MTPAP: variants seen among roughly 807,000 people sequenced by gnomAD.
MTPAP encodes the protein poly(A) RNA polymerase, mitochondrial.
A neutral mutation model predicts 48.7 loss-of-function variants in MTPAP; 23 were observed. The observed-to-expected ratio is 0.47, with a 90% CI of 0.34 to 0.67. The LOEUF is 0.67. MTPAP is among the 30% of genes least tolerant of loss of function. MTPAP has a pLI of 0.01. For synonymous variants in MTPAP, 257 were observed against 254.1 expected (o/e 1.01, Z -0.11); for missense variants, 614 against 694.3 (o/e 0.88, Z 1.30).
intron 8 of MTPAP, among the ~76,000 whole-genome samples, chr10:30,314,884 C>CAAAAAAAAAA (rs34249388): frequency 7.0e-4 from 78 of 110,732 alleles, no homozygotes; most frequent in East Asian, 3.4e-3. Context: ...AAAACAAAAA[C>CAAAAAAAAAA]AAAAAAAAAA....
chr10:30,340,792 GTCTGT>G (rs1834795098), intron 2 of MTPAP, among the ~76,000 whole-genome samples: 2 of 152,036 alleles, frequency 1.3e-5, no homozygotes, highest in Non-Finnish European at 2.9e-5. Context: ...GGTGGCAGGT[GTCTGT>G]AAGTCCAGCT....
chr10:30,314,500 A>C (rs1840637245), intron 8 of MTPAP, among the ~76,000 whole-genome samples: 1 of 152,194 alleles, frequency 6.6e-6, no homozygotes, highest in African/African-American at 2.4e-5. Context: ...AGGAGGAACA[A>C]AGGATTATTC....
chr10:30,329,008 C>T (rs1337495236), intron 4 of MTPAP, among the ~76,000 whole-genome samples: 1 of 152,030 alleles, frequency 6.6e-6, no homozygotes, highest in East Asian at 1.9e-4. Flanking sequence ...CTTTGGGAGG[C>T]TGAGGCAGGC....
At chr10:30,339,898 T>A in intron 3 of MTPAP, 1 of 344,274 alleles carries the variant, frequency 2.9e-6, no homozygotes, top group Non-Finnish European at 5.5e-6. Context: ...CGTTAAGACA[T>A]TAGGAGGGGA....
chr10:30,334,173 T>C, intron 4 of MTPAP, among the ~76,000 whole-genome samples: 1 of 151,966 alleles, frequency 6.6e-6, no homozygotes. Context: ...AAAGGAGTGG[T>C]TAATTTTGGC....
intron 8 of MTPAP, 56 bp from the exon 9 acceptor site, chr10:30,314,027 A>G: frequency 6.4e-7 from 1 of 1,554,148 alleles, no homozygotes; most frequent in Non-Finnish European, 8.8e-7. Context: ...GCTTAAATAT[A>G]AAAACAGTTA....
Position 30,349,205 on chromosome 10 carries a change from CGCT to C in MTPAP, c.68_70del (p.Gln23del). 6.2e-7 allele frequency: 1 copy of C among 1,607,838 alleles called. No homozygotes were observed. Among genetic ancestry groups the C allele is most frequent in the Non-Finnish European group, 8.5e-7 (1 of 1,177,442 alleles). ...GCAACTCAAAAGCCTGACGATAGGC[CGCT>C]GGACTCGAGTTCTTCTCCGGGCACA... On this transcript the variant is annotated inframe_deletion, in exon 1 of 9. Coordinates refer to ENST00000263063, the MANE Select transcript of MTPAP (RefSeq NM_018109.4).
intron 6 of MTPAP, among the ~76,000 whole-genome samples, chr10:30,317,325 T>G (rs1421658959): frequency 6.6e-6 from 1 of 152,206 alleles, no homozygotes; most frequent in Non-Finnish European, 1.5e-5. Context: ...AATTCCATTC[T>G]TATCATCTTC....
rs1457625112 is a variant in MTPAP, at chr10:30,313,613, G to A, written c.1745C>T (p.Thr582Ile). The A allele has an allele frequency of 6.2e-7, 1 of 1,614,066 alleles. No homozygotes were observed. The highest frequency in any genetic ancestry group is 1.3e-5 in the African/African-American group (1 of 74,944). ...TSGKRTISTQ[T>I] Reference sequence around the variant, plus strand: ...CTTTACACAATGTAGCAGCCATCATGTCTGAGTACTAATTGTTCTCTTCCC... The same window carrying A: ...CTTTACACAATGTAGCAGCCATCATATCTGAGTACTAATTGTTCTCTTCCC... The change falls in exon 9 of 9, where the codon ACA (threonine) becomes ATA (isoleucine). Residue 582 changes from threonine (T) to isoleucine (I), a missense_variant. By Grantham distance (89) the Thr-to-Ile change is moderately conservative. Transcript: ENST00000263063.
intron 5 of MTPAP, among the ~76,000 whole-genome samples, chr10:30,323,538 C>G (rs901716661): frequency 6.6e-6 from 1 of 151,854 alleles, no homozygotes; most frequent in South Asian, 2.1e-4. Context: ...GAGACGGAGT[C>G]TCGCTCTGTC....
intron 2 of MTPAP, among the ~76,000 whole-genome samples, 181 bp downstream of exon 2, chr10:30,341,287 C>T (rs925979826): frequency 3.3e-5 from 5 of 152,138 alleles, no homozygotes; most frequent in Non-Finnish European, 7.4e-5. Flanking sequence ...TCCTAAAATA[C>T]CGCTATAAGA....
chr10:30,347,454 C>T (rs757198713), intron 1 of MTPAP, among the ~76,000 whole-genome samples: 12 of 152,310 alleles, frequency 7.9e-5, no homozygotes, highest in Non-Finnish European at 1.5e-4. Context: ...ATGGTAAAGA[C>T]ATCCAAATGA....
chr10:30,321,303 G>C (rs775547719), intron 6 of MTPAP, among the ~76,000 whole-genome samples: 9 of 152,154 alleles, frequency 5.9e-5, no homozygotes, highest in Admixed American at 3.9e-4. Flanking sequence ...GAAGCAGTGA[G>C]AGTGGAGAAG....
intron 4 of MTPAP, among the ~76,000 whole-genome samples, chr10:30,327,554 CAAGT>C (rs1183701175): frequency 6.7e-6 from 1 of 149,510 alleles, no homozygotes; most frequent in Non-Finnish European, 1.5e-5. Context: ...TACTAAAACT[CAAGT>C]AAATTCCCTG....
At chr10:30,322,683 C>G in intron 5 of MTPAP, 66 bp from the exon 6 acceptor site, 1 of 1,189,644 alleles carries the variant, frequency 8.4e-7, no homozygotes, top group Non-Finnish European at 1.2e-6. Context: ...TAAAATTAAA[C>G]TCAAACCAAG....
In MTPAP at chr10:30,320,009, C is replaced by T. The variant is rs117155709; in HGVS notation, c.1219+2382G>A. The stretch of plus-strand genomic sequence containing the variant: ...AAAACTCAACAGGTCATTTAAAATC[C>T]CAGCACTTGGGGAGGCTGAGAAGGA... On this transcript the variant is annotated intron_variant, in intron 6 of 8. Transcript: ENST00000263063. Among the ~76,000 whole-genome samples, 930 of 152,172 alleles carry T rather than the reference C, an allele frequency of 6.1e-3. 2 individuals carry two copies. Among genetic ancestry groups the T allele is most frequent in the Non-Finnish European group, 0.01 (708 of 68,014 alleles).
At chr10:30,331,429 A>C (rs1000047249) in intron 4 of MTPAP, among the ~76,000 whole-genome samples, 2 of 152,254 alleles carry the variant, frequency 1.3e-5, no homozygotes, top group Non-Finnish European at 2.9e-5. Context: ...GCAAAACTGA[A>C]GGAAAGACCA....
intron 4 of MTPAP, among the ~76,000 whole-genome samples, chr10:30,331,940 A>G (rs1430015473): frequency 6.6e-6 from 1 of 152,236 alleles, no homozygotes; most frequent in Non-Finnish European, 1.5e-5. Flanking sequence ...ACATAGTGCC[A>G]TAAGACATGC....
chr10:30,347,207 A>G (rs929300557), intron 1 of MTPAP, among the ~76,000 whole-genome samples: 3 of 152,238 alleles, frequency 2.0e-5, no homozygotes, highest in African/African-American at 4.8e-5. Flanking sequence ...AACTAAGACC[A>G]ACCTGGAAAT....
Sources: gnomAD v4.1 joint callset for allele counts (sites outside exome capture counted in the v4.1 genomes callset) on GRCh38, gnomAD v4.1.1 for gene constraint, MANE v1.5 for transcripts, NCBI Gene and HGNC (gene_info 2026-07-23, HGNC 2026-07-21) for gene names.